Variants in INPPL1 observed in about 807,000 individuals in gnomAD.
The protein encoded by INPPL1 is phosphatidylinositol 3,4,5-trisphosphate 5-phosphatase 2.
Under a neutral mutation model 139.3 loss-of-function variants are expected in INPPL1, and 91 were observed. That is an observed-to-expected ratio of 0.65 (90% CI 0.55 to 0.78). The LOEUF is 0.78. INPPL1 is among the 30% of genes least tolerant of loss of function. The probability of loss-of-function intolerance (pLI) is 0.00; values close to 1 mark genes in which losing one functional copy is unlikely to be tolerated. For missense variants in INPPL1, 1,411 were observed against 1,665.6 expected (o/e 0.85, Z 2.66); for synonymous variants, 719 against 686.6 (o/e 1.05, Z -0.74).
rs201414459 is a variant in INPPL1 at position 72,235,721 on chromosome 11, C to G, written c.2706C>G (p.Ala902=). The G allele has an allele frequency of 1.0e-4, 163 of 1,614,112 alleles. No homozygotes were observed. The highest frequency in any genetic ancestry group is 1.3e-4 in the Non-Finnish European group (155 of 1,179,996). Residue 902 remains alanine (A), a synonymous_variant, in exon 24 of 28, where the codon GCC becomes GCG. Coordinates refer to ENST00000298229, the MANE Select transcript of INPPL1 (RefSeq NM_001567.4). This position sits in a 1 kb window ranked among gnomAD's most constrained non-coding sequence, Gnocchi z 4.9. ...ATGAGGCAGGAGCAAAGAGCAAAGC[C>G]CCCTCTGTGTCCCGAGGGAGCCAGG... The part of the protein sequence containing the change: ...DKDEAGAKSK[A]PSVSRGSQEP...
Position 72,228,838 on chromosome 11 carries a change from C to G in INPPL1, c.509C>G (p.Ala170Gly), listed in dbSNP as rs1948749393. The change falls in exon 4 of 28, where the codon GCT (alanine) becomes GGT (glycine). Residue 170 changes from alanine (A) to glycine (G), a missense_variant. Ala to Gly is a moderately conservative substitution (Grantham distance 60). Coordinates refer to ENST00000298229, the MANE Select transcript of INPPL1 (RefSeq NM_001567.4). This position sits in a 1 kb window ranked among gnomAD's most constrained non-coding sequence, Gnocchi z 5.0. ...LPAPETPTAP[A>G]AESAPNGLST... ...GCTCCTGAGACTCCCACAGCTCCAG[C>G]TGCTGAGAGGTGAGACCCCCATCCC... The G allele has an allele frequency of 1.9e-6, 3 of 1,605,992 alleles. No homozygotes were observed. The highest frequency in any genetic ancestry group is 2.6e-6 in the Non-Finnish European group (3 of 1,175,886).
At chr11:72,227,518 A>G (rs1180669271) in intron 1 of INPPL1, among the ~76,000 whole-genome samples, 2 of 152,092 alleles carry the variant, frequency 1.3e-5, no homozygotes, top group East Asian at 1.9e-4. Flanking sequence ...GCATGCCCTG[A>G]GGTGCGGAGG....
At chr11:72,238,210 G>T (rs767143433) in intron 27 of INPPL1, 35 bp downstream of exon 27, 1 of 1,613,094 alleles carries the variant, frequency 6.2e-7, no homozygotes, top group Non-Finnish European at 8.5e-7. Context: ...GCGGAGCTGG[G>T]GCCCTCAGGA....
chr11:72,234,441 G>A lies in INPPL1; in HGVS notation c.2326+47G>A. 6.3e-7 allele frequency: 1 copy of A among 1,590,298 alleles called. No individual in the cohort carries two copies. The highest frequency in any genetic ancestry group is 8.6e-7 in the Non-Finnish European group (1 of 1,158,258). ...GGGTGTGGGCCAAGGAGGATGGGAG[G>A]CAAGAGGGTGCAGTCAGCCCCCTAC... is the stretch of plus-strand genomic sequence containing the variant. On this transcript the variant is annotated intron_variant, in intron 20 of 27. Transcript: ENST00000298229. This position sits in a 1 kb window ranked among gnomAD's most constrained non-coding sequence, Gnocchi z 4.2.
In INPPL1 at chr11:72,233,439, A is replaced by C; in HGVS notation, c.2041-2A>C. 1 of 1,613,876 alleles carries C rather than the reference A, an allele frequency of 6.2e-7. No homozygotes were observed. Among genetic ancestry groups the C allele is most frequent in the Non-Finnish European group, 8.5e-7 (1 of 1,179,834 alleles). ...TAACCATGCTGCCATCCCCTGCCCC[A>C]GGTCCGGACCAATGTGCCCTCATGG... On this transcript the variant is annotated splice_acceptor_variant, in intron 17 of 27. Coordinates refer to ENST00000298229, the MANE Select transcript of INPPL1 (RefSeq NM_001567.4). LOFTEE classifies it high-confidence loss of function.
chr11:72,233,413 C>G (rs746211126), intron 17 of INPPL1, 28 bp from the exon 18 acceptor site: 6 of 1,605,172 alleles, frequency 3.7e-6, no homozygotes, highest in Admixed American at 1.7e-5. Context: ...GCTGTCAGCT[C>G]TAACCATGCT....
Position 72,234,359 on chromosome 11 carries a change from A to G in INPPL1, c.2291A>G (p.Lys764Arg). ...ATTGTGAAGACAGCCAGCCGCACCAAGTTCTTCATCGAGTTCTACTCTACC... is the reference window on the plus strand; with the variant it reads ...ATTGTGAAGACAGCCAGCCGCACCAGGTTCTTCATCGAGTTCTACTCTACC... ...EAIVKTASRT[K>R]FFIEFYSTCL... Residue 764 changes from lysine to arginine, a missense_variant, in exon 20 of 28, where the codon AAG (lysine) becomes AGG (arginine). Coordinates refer to ENST00000298229, the MANE Select transcript of INPPL1 (RefSeq NM_001567.4). This position sits in a 1 kb window ranked among gnomAD's most constrained non-coding sequence, Gnocchi z 4.2. 1 of 1,614,108 alleles carries G rather than the reference A, an allele frequency of 6.2e-7. No homozygotes were observed. The highest frequency in any genetic ancestry group is 8.5e-7 in the Non-Finnish European group (1 of 1,180,014).
Position 72,234,318 on chromosome 11 carries a change from T to C in INPPL1, c.2250T>C (p.Phe750=). Residue 750 remains phenylalanine, a synonymous_variant, in exon 20 of 28, where the codon TTT becomes TTC. Transcript: ENST00000298229. This position sits in a 1 kb window ranked among gnomAD's most constrained non-coding sequence, Gnocchi z 4.2. ...CTTCAGACCAGGCCTACATTGAGTTTGAGAGCATCGAGGCCATTGTGAAGA... is the reference window on the plus strand; with the variant it reads ...CTTCAGACCAGGCCTACATTGAGTTCGAGAGCATCGAGGCCATTGTGAAGA... ...SKTSDQAYIE[F]ESIEAIVKTA... 6.2e-7 allele frequency: 1 copy of C among 1,614,128 alleles called. No individual in the cohort carries two copies. The highest frequency in any genetic ancestry group is 8.5e-7 in the Non-Finnish European group (1 of 1,179,996).
In INPPL1 at chr11:72,230,436, C is replaced by T; in HGVS notation, c.1165C>T (p.Gln389Ter). ...VVFEKEKDRT[Q>*]RKDFIFVSAR... Reference sequence around the variant, plus strand: ...GTTTGAGAAGGAGAAGGACCGGACTCAGCGCAAGGACTTCATCTTTGTCAG... The same window carrying T: ...GTTTGAGAAGGAGAAGGACCGGACTTAGCGCAAGGACTTCATCTTTGTCAG... The change falls in exon 10 of 28, where the codon CAG becomes TAG. Residue 389 changes from glutamine (Q) to a stop codon, truncating the protein, a stop_gained. Coordinates refer to ENST00000298229, the MANE Select transcript of INPPL1 (RefSeq NM_001567.4). LOFTEE classifies it high-confidence loss of function. 1 of 1,614,038 alleles carries T rather than the reference C, an allele frequency of 6.2e-7. No individual in the cohort carries two copies. Among genetic ancestry groups the T allele is most frequent in the Non-Finnish European group, 8.5e-7 (1 of 1,180,042 alleles).
At chr11:72,232,565 C>T (rs1948864526) in intron 14 of INPPL1, 61 bp from the exon 15 acceptor site, 1 of 1,588,444 alleles carries the variant, frequency 6.3e-7, no homozygotes, top group Non-Finnish European at 8.6e-7. Flanking sequence ...TATGCCTATC[C>T]CTGACTTCTG....
chr11:72,224,277 AG>A (rs1352715091), upstream of INPPL1, among the ~76,000 whole-genome samples: 9 of 126,206 alleles, frequency 7.1e-5, no homozygotes, highest in Admixed American at 4.0e-4. Context: ...CAGATCTAAG[AG>A]GGGGCTGCAT....
At position 72,228,413 on chromosome 11, in the gene INPPL1, G is replaced by T. The variant is rs777475102; in HGVS notation, c.312G>T (p.Gln104His). ...GTGAGCTCATCGGCCTGTACGCCCA[G>T]CCCAACCAGGGCCTTGTGTGCGCCC... is the stretch of plus-strand genomic sequence containing the variant. ...TLGELIGLYA[Q>H]PNQGLVCALL... The change falls in exon 3 of 28, where the codon CAG (glutamine) becomes CAT (histidine). Residue 104 changes from glutamine to histidine, a missense_variant. Gln to His is a conservative substitution (Grantham distance 24). Transcript: ENST00000298229. This position sits in a 1 kb window ranked among gnomAD's most constrained non-coding sequence, Gnocchi z 5.0. 3 of 1,613,018 alleles carry T rather than the reference G, an allele frequency of 1.9e-6. No individual in the cohort carries two copies. Among genetic ancestry groups the T allele is most frequent in the South Asian group, 2.2e-5 (2 of 91,082 alleles).
Position 72,237,750 on chromosome 11 carries a change from C to T in INPPL1, c.3506C>T (p.Pro1169Leu). Reference sequence around the variant, plus strand: ...GACTATGGCCGGCCCCTCAGCTTCCCTCCACCCCGCATCCGGGAGAGCATC... The same window carrying T: ...GACTATGGCCGGCCCCTCAGCTTCCTTCCACCCCGCATCCGGGAGAGCATC... ...PSDYGRPLSFPPPRIRESIQE... is the reference protein window; with the variant it reads ...PSDYGRPLSFLPPRIRESIQE... Residue 1169 changes from proline to leucine, a missense_variant, in exon 26 of 28, where the codon CCT becomes CTT. Pro to Leu is a moderately conservative substitution (Grantham distance 98). Transcript: ENST00000298229. The T allele has an allele frequency of 1.2e-6, 2 of 1,611,222 alleles. No homozygotes were observed. Among genetic ancestry groups the T allele is most frequent in the African/African-American group, 1.3e-5 (1 of 75,020 alleles).
At position 72,234,498 on chromosome 11, in the gene INPPL1, C is replaced by T. The variant is rs372121385; in HGVS notation, c.2327-29C>T. On this transcript the variant is annotated intron_variant, in intron 20 of 27. Coordinates refer to ENST00000298229, the MANE Select transcript of INPPL1 (RefSeq NM_001567.4). This position sits in a 1 kb window ranked among gnomAD's most constrained non-coding sequence, Gnocchi z 4.2. ...GGAAAGGAAGCTGAGAGGTGGTGCT[C>T]AGTTGGGTGTCTCCCACCCCCACCC... The T allele has an allele frequency of 6.9e-6, 11 of 1,591,846 alleles. No individual in the cohort carries two copies. Among genetic ancestry groups the T allele is most frequent in the East Asian group, 2.2e-5 (1 of 44,750 alleles).
chr11:72,229,452 A>C lies in INPPL1; in HGVS notation c.660-13A>C. 6.2e-7 allele frequency: 1 copy of C among 1,612,990 alleles called. No individual in the cohort carries two copies. Among genetic ancestry groups the C allele is most frequent in the Non-Finnish European group, 8.5e-7 (1 of 1,179,012 alleles). ...TCGGGGTGGGAGTTCTTTTGATCTG[A>C]TGTCTTCCCTAGTGAGGTGGACAAG... On this transcript the variant is annotated splice_polypyrimidine_tract_variant and intron_variant, in intron 5 of 27. Transcript: ENST00000298229.
In INPPL1 at chr11:72,238,246, C is replaced by CCT; in HGVS notation, c.3687-16_3687-15dup. ...TCCCCTTGCCCATCTCACTTCCCAG[C>CCT]CTGTTTTACTCCACAGTGACATCAC... On this transcript the variant is annotated splice_polypyrimidine_tract_variant and intron_variant, in intron 27 of 27. Coordinates refer to ENST00000298229, the MANE Select transcript of INPPL1 (RefSeq NM_001567.4). 6.2e-7 allele frequency: 1 copy of CCT among 1,613,682 alleles called. No homozygotes were observed. Among genetic ancestry groups the CCT allele is most frequent in the Non-Finnish European group, 8.5e-7 (1 of 1,179,770 alleles).
At chr11:72,231,449 C>A in intron 12 of INPPL1, 49 bp from the exon 13 acceptor site, 1 of 1,384,804 alleles carries the variant, frequency 7.2e-7, no homozygotes, top group Non-Finnish European at 1.0e-6. Flanking sequence ...GGGGGAAATG[C>A]AGGCAGTGGG....
At position 72,228,640 on chromosome 11, in the gene INPPL1, A is replaced by T; in HGVS notation, c.398-87A>T. ...GCCGGGGCCCTTTAACCCTCTTTCC[A>T]TGGAAGTCACTTTACAGCTGCATCG... On this transcript the variant is annotated intron_variant, in intron 3 of 27. Transcript: ENST00000298229. This position sits in a 1 kb window ranked among gnomAD's most constrained non-coding sequence, Gnocchi z 5.0. 6.5e-7 allele frequency: 1 copy of T among 1,542,740 alleles called. No homozygotes were observed. The highest frequency in any genetic ancestry group is 1.4e-5 in the African/African-American group (1 of 69,860).
At position 72,229,454 on chromosome 11, in the gene INPPL1, G is replaced by A. The variant is rs779654573; in HGVS notation, c.660-11G>A. On this transcript the variant is annotated splice_polypyrimidine_tract_variant and intron_variant, in intron 5 of 27. Coordinates refer to ENST00000298229, the MANE Select transcript of INPPL1 (RefSeq NM_001567.4). Reference sequence around the variant, plus strand: ...GGGGTGGGAGTTCTTTTGATCTGATGTCTTCCCTAGTGAGGTGGACAAGGT... The same window carrying A: ...GGGGTGGGAGTTCTTTTGATCTGATATCTTCCCTAGTGAGGTGGACAAGGT... The A allele has an allele frequency of 6.8e-6, 11 of 1,613,288 alleles. No individual in the cohort carries two copies. The highest frequency in any genetic ancestry group is 4.5e-5 in the East Asian group (2 of 44,882).
Sources: gnomAD v4.1 joint callset for allele counts (sites outside exome capture counted in the v4.1 genomes callset) on GRCh38, gnomAD v4.1.1 for gene constraint, Gnocchi (gnomAD v3.1) non-coding constraint, MANE v1.5 for transcripts, NCBI Gene and HGNC (gene_info 2026-07-23, HGNC 2026-07-21) for gene names.